Variants in STK24 observed in about 807,000 individuals in gnomAD.
The protein encoded by STK24 is serine/threonine-protein kinase 24.
STK24 carries 21 observed loss-of-function variants against 55.6 expected under a neutral mutation model. The ratio of observed to expected loss-of-function variants is 0.38; its 90% CI spans 0.27 to 0.54. The LOEUF (loss-of-function observed/expected upper bound fraction) is 0.54. Among genes scored for constraint, STK24 ranks in the 20% least tolerant of loss-of-function variants. STK24 has a pLI of 0.79. For synonymous variants in STK24, 200 were observed against 215.2 expected (o/e 0.93, Z 0.62); for missense variants, 383 against 538.4 (o/e 0.71, Z 2.86).
chr13:98,568,278 T>TG (rs1439280411), intron 1 of STK24, among the ~76,000 whole-genome samples: 1 of 151,974 alleles, frequency 6.6e-6, no homozygotes, highest in Non-Finnish European at 1.5e-5. Context: ...ATTACAGGCA[T>TG]GAGCCATCGC....
At position 98,452,831 on chromosome 13, in the gene STK24, T is replaced by C; in HGVS notation, c.*342A>G. 1 of 222,492 alleles carries C rather than the reference T, an allele frequency of 4.5e-6. No individual in the cohort carries two copies. Among genetic ancestry groups the C allele is most frequent in the Admixed American group, 5.3e-5 (1 of 18,858 alleles). 13.8% of individuals were successfully genotyped at this position (222,492 alleles called of 1,614,324 possible). On this transcript the variant is annotated 3_prime_UTR_variant, in exon 11 of 11. Transcript: ENST00000539966. The stretch of plus-strand genomic sequence containing the variant: ...GATACCTGAGGTTTCATGTCTTTAG[T>C]TGCCTTATCATAATCCCAAATATAC...
chr13:98,449,713 G>C lies in STK24; in HGVS notation c.*3460C>G, dbSNP rs1594558258. ...CCAGACGGTTTCCAGTACTAACAAA[G>C]GGAATAAAAATACCTCACGCCACAA... On this transcript the variant is annotated 3_prime_UTR_variant, in exon 11 of 11. Coordinates refer to ENST00000539966, the MANE Select transcript of STK24 (RefSeq NM_001032296.4). The C allele has an allele frequency of 6.6e-6, 1 of 152,370 alleles. No homozygotes were observed. The highest frequency in any genetic ancestry group is 2.4e-5 in the African/African-American group (1 of 41,342). The allele number at this position is 152,370 out of a possible 1,614,324, so 9.4% of individuals were successfully genotyped here.
At chr13:98,465,387 GC>G (rs1206477802) in intron 6 of STK24, among the ~76,000 whole-genome samples, 1 of 152,252 alleles carries the variant, frequency 6.6e-6, no homozygotes, top group African/African-American at 2.4e-5. Flanking sequence ...TGGGGCATAA[GC>G]CCATACAGGA....
At chr13:98,465,502 G>A (rs928549049) in intron 6 of STK24, among the ~76,000 whole-genome samples, 6 of 152,198 alleles carry the variant, frequency 3.9e-5, no homozygotes, top group Non-Finnish European at 7.3e-5. Context: ...GAGCATCGTG[G>A]CATGCAGGAC....
intron 1 of STK24, among the ~76,000 whole-genome samples, chr13:98,536,207 G>A (rs1023488919): frequency 2.6e-5 from 4 of 152,094 alleles, no homozygotes; most frequent in Non-Finnish European, 5.9e-5. Flanking sequence ...GGGCAAGAGG[G>A]AACGTGAGCA....
At chr13:98,524,912 C>T (rs962116736) in intron 1 of STK24, among the ~76,000 whole-genome samples, 3 of 152,252 alleles carry the variant, frequency 2.0e-5, no homozygotes, top group Admixed American at 2.0e-4. Context: ...TCTCAATCTG[C>T]TCAAGCACGG....
chr13:98,521,794 G>A lies in STK24; in HGVS notation c.43-2321C>T, dbSNP rs200734397. 8.4e-5 allele frequency: 66 copies of A among 781,268 alleles called. No homozygotes were observed. In the East Asian group the frequency reaches 1.5e-3, roughly 18 times the overall value. The allele number at this position is 781,268 out of a possible 1,614,324, so 48.4% of individuals were successfully genotyped here. A position where few individuals can be genotyped will look rare whatever the true frequency, so the allele number is the denominator to read the frequency against. On this transcript the variant is annotated intron_variant, in intron 1 of 10. Coordinates refer to ENST00000539966, the MANE Select transcript of STK24 (RefSeq NM_001032296.4). ...CCTTACCGTGCTCCCTCCAGGATGAGGTAGAGTGGCCCTCCTTTTATTCAA... is the reference window on the plus strand; with the variant it reads ...CCTTACCGTGCTCCCTCCAGGATGAAGTAGAGTGGCCCTCCTTTTATTCAA...
intron 2 of STK24, among the ~76,000 whole-genome samples, chr13:98,485,456 G>A (rs886908791): frequency 4.6e-5 from 7 of 152,134 alleles, no homozygotes; most frequent in Non-Finnish European, 1.0e-4. Flanking sequence ...TCAAGTGCAG[G>A]GCCTGCAAAA....
chr13:98,543,572 G>A (rs187673625), intron 1 of STK24, among the ~76,000 whole-genome samples: 79 of 152,300 alleles, frequency 5.2e-4, no homozygotes, highest in African/African-American at 1.2e-3. Flanking sequence ...GCGCGGACCC[G>A]AAGACGCGGG....
At chr13:98,535,693 C>T in intron 1 of STK24, among the ~76,000 whole-genome samples, 1 of 152,134 alleles carries the variant, frequency 6.6e-6, no homozygotes, top group African/African-American at 2.4e-5. Flanking sequence ...ACAGCTGAGA[C>T]AATTCGGGCA....
intron 1 of STK24, among the ~76,000 whole-genome samples, chr13:98,560,190 C>T (rs1231738958): frequency 2.0e-5 from 3 of 152,190 alleles, no homozygotes; most frequent in African/African-American, 4.8e-5. Flanking sequence ...CACCTCCCCT[C>T]GACGCTCCAG....
intron 2 of STK24, among the ~76,000 whole-genome samples, chr13:98,502,823 A>C (rs1489239090): frequency 1.3e-5 from 2 of 152,192 alleles, no homozygotes; most frequent in Non-Finnish European, 1.5e-5. Context: ...AACAACAGAA[A>C]GCTAAGACAC....
intron 1 of STK24, among the ~76,000 whole-genome samples, chr13:98,555,791 C>T (rs1378502603): frequency 2.7e-5 from 4 of 149,446 alleles, no homozygotes; most frequent in Non-Finnish European, 5.9e-5. Context: ...CGCCATTCTC[C>T]TGCCTCAGCC....
intron 7 of STK24, among the ~76,000 whole-genome samples, chr13:98,463,048 C>T (rs534402334): frequency 5.9e-5 from 9 of 152,144 alleles, no homozygotes; most frequent in Admixed American, 2.0e-4. Context: ...GTCTCATCCC[C>T]GGAAATCCTC....
At chr13:98,559,234 A>C (rs1269559247) in intron 1 of STK24, among the ~76,000 whole-genome samples, 2 of 152,074 alleles carry the variant, frequency 1.3e-5, no homozygotes, top group Non-Finnish European at 2.9e-5. Context: ...GTCCCCACCC[A>C]AACCTCATCC....
intron 2 of STK24, among the ~76,000 whole-genome samples, chr13:98,489,914 A>G (rs550131951): frequency 3.3e-5 from 5 of 152,354 alleles, no homozygotes; most frequent in Non-Finnish European, 7.3e-5. Context: ...GGAAAGTAAG[A>G]GCGAGGAGAA....
At chr13:98,504,861 G>C (rs1347251886) in intron 2 of STK24, among the ~76,000 whole-genome samples, 2 of 151,736 alleles carry the variant, frequency 1.3e-5, no homozygotes, top group Non-Finnish European at 2.9e-5. Context: ...AGGCAGGTTC[G>C]GGCTGATGAG....
chr13:98,446,774 C>G lies in STK24; in HGVS notation c.*6399G>C. 1 of 1,614,164 alleles carries G rather than the reference C, an allele frequency of 6.2e-7. No individual in the cohort carries two copies. Among genetic ancestry groups the G allele is most frequent in the Non-Finnish European group, 8.5e-7 (1 of 1,180,038 alleles). ...CGTGTTCAAGCTGCACTTCAAGTCC[C>G]ACGTCTACTACTTCAGGGCGGAAAG... On this transcript the variant is annotated 3_prime_UTR_variant, in exon 11 of 11. Transcript: ENST00000539966.
chr13:98,561,149 C>T (rs1414869650), intron 1 of STK24, among the ~76,000 whole-genome samples: 1 of 152,200 alleles, frequency 6.6e-6, no homozygotes, highest in Non-Finnish European at 1.5e-5. Context: ...AGTGTAACAC[C>T]ACCGTGTGGG....
Sources: allele counts gnomAD v4.1 joint callset (sites outside exome capture counted in the v4.1 genomes callset), GRCh38; gene constraint gnomAD v4.1.1; transcripts MANE v1.5; gene names NCBI Gene and HGNC (gene_info 2026-07-23, HGNC 2026-07-21).